Variants in FER1L6 observed in about 807,000 individuals in gnomAD.
FER1L6 encodes the protein fer-1-like protein 6.
A neutral mutation model predicts 219.2 loss-of-function variants in FER1L6; 177 were observed. The ratio of observed to expected loss-of-function variants is 0.81; its 90% CI spans 0.71 to 0.91. The LOEUF is 0.91. Among genes scored for constraint, FER1L6 ranks in the 40% least tolerant of loss-of-function variants. FER1L6 has a pLI of 0.00. For synonymous variants in FER1L6, 768 were observed against 824.3 expected (o/e 0.93, Z 1.17); for missense variants, 2,153 against 2,259.9 (o/e 0.95, Z 0.96).
chr8:123,888,143 G>T (rs145961061), intron 1 of FER1L6, among the ~76,000 whole-genome samples: 3 of 151,374 alleles, frequency 2.0e-5, no homozygotes, highest in Non-Finnish European at 4.4e-5. Flanking sequence ...TTGAGACAGA[G>T]TCTCACTCTG....
At chr8:124,085,759 T>C (rs1271978085) in intron 33 of FER1L6, among the ~76,000 whole-genome samples, 1 of 152,078 alleles carries the variant, frequency 6.6e-6, no homozygotes, top group East Asian at 1.9e-4. Flanking sequence ...GGGTCGATTA[T>C]GTCCAGTGTT....
chr8:123,867,387 T>G (rs1816854018), intron 1 of FER1L6, among the ~76,000 whole-genome samples: 2 of 152,204 alleles, frequency 1.3e-5, no homozygotes, highest in African/African-American at 4.8e-5. Context: ...AAACATGGTC[T>G]TCTATGGCCA....
chr8:123,948,886 A>G (rs1269620145), intron 1 of FER1L6, among the ~76,000 whole-genome samples: 1 of 152,098 alleles, frequency 6.6e-6, no homozygotes, highest in Non-Finnish European at 1.5e-5. Flanking sequence ...TGTTTGTCAG[A>G]TTCAGAAAAT....
chr8:124,054,041 G>GTCTCC (rs1395846709), intron 22 of FER1L6, among the ~76,000 whole-genome samples: 1 of 152,106 alleles, frequency 6.6e-6, no homozygotes, highest in Non-Finnish European at 1.5e-5. Flanking sequence ...TTTACACCAT[G>GTCTCC]TCTTTATCCA....
At chr8:123,947,963 G>C (rs1814580435) in intron 1 of FER1L6, among the ~76,000 whole-genome samples, 1 of 152,212 alleles carries the variant, frequency 6.6e-6, no homozygotes. Context: ...GAGTGTGTGA[G>C]TTTAGGAGGA....
chr8:123,867,131 G>T (rs2130268544), intron 1 of FER1L6, among the ~76,000 whole-genome samples: 1 of 152,286 alleles, frequency 6.6e-6, no homozygotes, highest in East Asian at 1.9e-4. Flanking sequence ...GTCTGAGAAA[G>T]TGTTGCCTAG....
chr8:123,965,760 C>T, intron 3 of FER1L6, among the ~76,000 whole-genome samples: 1 of 152,068 alleles, frequency 6.6e-6, no homozygotes, highest in East Asian at 1.9e-4. Context: ...CTGAGTTAAA[C>T]CTTTATATGC....
In FER1L6 at chr8:123,853,167, C is replaced by A. The variant is rs1816548164; in HGVS notation, c.-8+982C>A. Among the ~76,000 whole-genome samples, 1 of 151,652 alleles carries A rather than the reference C, an allele frequency of 6.6e-6. No individual in the cohort carries two copies. The highest frequency in any genetic ancestry group is 1.5e-5 in the Non-Finnish European group (1 of 67,916). ...CCTCAGACTTTAAAATAGACGAAAT[C>A]TTTTTTTGAGACAGTCTCACTCTAT... On this transcript the variant is annotated intron_variant, in intron 1 of 40. Transcript: ENST00000522917. The surrounding 1 kb of genome is among the most constrained non-coding windows in gnomAD (Gnocchi z 6.6).
chr8:124,087,829 G>T (rs940167237), intron 33 of FER1L6, among the ~76,000 whole-genome samples: 1 of 152,202 alleles, frequency 6.6e-6, no homozygotes, highest in Non-Finnish European at 1.5e-5. Flanking sequence ...TGTGGCTCCT[G>T]CAGACTTGTA....
chr8:123,862,291 G>T (rs1439495648), intron 1 of FER1L6, among the ~76,000 whole-genome samples: 1 of 97,036 alleles, frequency 1.0e-5, no homozygotes, highest in Admixed American at 9.7e-5. Flanking sequence ...TTATTGATTT[G>T]CGTATAGTGA....
chr8:123,871,746 A>G (rs1231702973), intron 1 of FER1L6, among the ~76,000 whole-genome samples: 1 of 152,182 alleles, frequency 6.6e-6, no homozygotes, highest in East Asian at 1.9e-4. Context: ...TAATGAGTAC[A>G]GTATGGTAAG....
chr8:123,977,648 A>G (rs1171260189), intron 10 of FER1L6, 39 bp downstream of exon 10: 4 of 1,595,840 alleles, frequency 2.5e-6, no homozygotes, highest in Middle Eastern at 1.7e-4. Flanking sequence ...ATGTCTCAAA[A>G]TGCTTGCTTT....
intron 10 of FER1L6, 126 bp from the exon 11 acceptor site, chr8:123,980,339 G>C: frequency 2.6e-6 from 2 of 760,022 alleles, no homozygotes; most frequent in South Asian, 3.9e-5. Flanking sequence ...GTTGTCTTTT[G>C]GTCATGGGAT....
At chr8:124,051,247 A>G (rs1393455099) in intron 22 of FER1L6, among the ~76,000 whole-genome samples, 1 of 152,154 alleles carries the variant, frequency 6.6e-6, no homozygotes, top group Admixed American at 6.5e-5. Flanking sequence ...ATAAACATTT[A>G]TTGTTTAAAC....
rs1478370277 is a variant in FER1L6 at position 123,980,717 on chromosome 8, A to T, written c.1316A>T (p.Lys439Met). 1 of 1,614,056 alleles carries T rather than the reference A, an allele frequency of 6.2e-7. No homozygotes were observed. The highest frequency in any genetic ancestry group is 1.3e-5 in the African/African-American group (1 of 74,930). ...TCCAAATCTTCCAAAGGTAAAGACA[A>T]GGCTGACAAAACTGAAGATGGAAAA... ...KDSKSSKGKD[K>M]ADKTEDGKSQ... The change falls in exon 11 of 41, where the codon AAG (lysine) becomes ATG (methionine). Residue 439 changes from lysine (K) to methionine (M), a missense_variant. Lys to Met is a moderately conservative substitution (Grantham distance 95, BLOSUM62 -1). Coordinates refer to ENST00000522917, the MANE Select transcript of FER1L6 (RefSeq NM_001039112.2).
At chr8:124,069,948 T>A (rs1301047914) in intron 29 of FER1L6, among the ~76,000 whole-genome samples, 2 of 152,214 alleles carry the variant, frequency 1.3e-5, no homozygotes, top group African/African-American at 2.4e-5. Flanking sequence ...GTAAGCAATT[T>A]ATATAGGAAA....
chr8:123,871,358 C>T (rs1864693), intron 1 of FER1L6, among the ~76,000 whole-genome samples: 33,501 of 151,974 alleles, frequency 0.22, 4,917 homozygotes, highest in African/African-American at 0.43. Context: ...GAAACCAGAG[C>T]TCTTCAGGAA....
chr8:123,906,990 G>C (rs1812966566), intron 1 of FER1L6, among the ~76,000 whole-genome samples: 1 of 152,148 alleles, frequency 6.6e-6, no homozygotes, highest in Non-Finnish European at 1.5e-5. Flanking sequence ...GGGACCGTGT[G>C]ATTATTTTAA....
chr8:124,097,466 A>C, intron 36 of FER1L6, 107 bp downstream of exon 36: 17 of 824,918 alleles, frequency 2.1e-5, no homozygotes, highest in Non-Finnish European at 3.1e-5. Context: ...ATCATACCTC[A>C]CTATCCACCC....
Sources: gnomAD v4.1 joint callset for allele counts (sites outside exome capture counted in the v4.1 genomes callset) on GRCh38, gnomAD v4.1.1 for gene constraint, Gnocchi (gnomAD v3.1) non-coding constraint, MANE v1.5 for transcripts, NCBI Gene and HGNC (gene_info 2026-07-23, HGNC 2026-07-21) for gene names.